The following HMCN1 variants were observed in gnomAD, a reference collection of about 807,000 sequenced individuals.
The protein encoded by HMCN1 is hemicentin-1.
HMCN1 carries 321 observed loss-of-function variants against 625.9 expected under a neutral mutation model. The observed-to-expected ratio is 0.51, with a 90% CI of 0.47 to 0.56. The LOEUF (loss-of-function observed/expected upper bound fraction) is 0.56, where lower values mean the gene tolerates loss of function less well. HMCN1 is among the 20% of genes least tolerant of loss of function. The pLI is 0.00. For synonymous variants in HMCN1, 2,425 were observed against 2,417.6 expected (o/e 1.00, Z -0.09); for missense variants, 6,588 against 6,887.3 (o/e 0.96, Z 1.54).
intron 19 of HMCN1, among the ~76,000 whole-genome samples, chr1:185,985,996 T>C (rs1022219272): frequency 3.3e-5 from 5 of 152,184 alleles, no homozygotes; most frequent in Admixed American, 6.5e-5. Flanking sequence ...TTTGCCACTT[T>C]TCTTTATTGC....
intron 41 of HMCN1, among the ~76,000 whole-genome samples, chr1:186,047,916 A>G (rs539478208): frequency 6.6e-6 from 1 of 152,108 alleles, no homozygotes; most frequent in Non-Finnish European, 1.5e-5. Context: ...AAGTGCTTCA[A>G]ATGATCACTC....
intron 1 of HMCN1, among the ~76,000 whole-genome samples, chr1:185,750,235 C>A (rs978310120): frequency 6.6e-6 from 1 of 151,900 alleles, no homozygotes; most frequent in Non-Finnish European, 1.5e-5. Flanking sequence ...AAAGTGAGTG[C>A]CTTCTTTTAT....
At chr1:185,936,922 G>A (rs1667839117) in intron 11 of HMCN1, among the ~76,000 whole-genome samples, 1 of 152,214 alleles carries the variant, frequency 6.6e-6, no homozygotes, top group South Asian at 2.1e-4. Context: ...ATGAAGTCAA[G>A]TCCATCCAAA....
chr1:186,080,858 G>T (rs1659129448), intron 55 of HMCN1, among the ~76,000 whole-genome samples: 1 of 152,094 alleles, frequency 6.6e-6, no homozygotes, highest in Non-Finnish European at 1.5e-5. Flanking sequence ...TATTTATACA[G>T]ATGCTTCTTA....
At chr1:186,087,702 A>G (rs961093115) in intron 60 of HMCN1, 57 bp downstream of exon 60, 16 of 1,525,886 alleles carry the variant, frequency 1.0e-5, no homozygotes, top group African/African-American at 1.4e-5. Flanking sequence ...GGTGGAAAAG[A>G]TGCTTGGAAG....
rs60299246 is a variant in HMCN1, at chr1:185,837,005, GGTGTGTGTGTGT to G, written c.269-9006_269-8995del. Among the ~76,000 whole-genome samples, 380 of 142,968 alleles carry G rather than the reference GGTGTGTGTGTGT, an allele frequency of 2.7e-3. 1 individual carries two copies. Among genetic ancestry groups the G allele is most frequent in the African/African-American group, 9.1e-3 (352 of 38,576 alleles). The allele number at this position is 142,968 out of a possible 152,430, so 93.8% of individuals were successfully genotyped here. A position where few individuals can be genotyped will look rare whatever the true frequency, so the allele number is the denominator to read the frequency against. Reference sequence around the variant, plus strand: ...TGGTATTCTATGGTGTATATTCCATGGTGTGTGTGTGTGTGTGTGTGTGTGTATATATAAAAT... The same window carrying G: ...TGGTATTCTATGGTGTATATTCCATGGTGTGTGTGTGTGTATATATAAAAT... On this transcript the variant is annotated intron_variant, in intron 1 of 106. Coordinates refer to ENST00000271588, the MANE Select transcript of HMCN1 (RefSeq NM_031935.3).
In HMCN1 at chr1:185,994,988, A is replaced by G; in HGVS notation, c.3679A>G (p.Ser1227Gly). The G allele has an allele frequency of 1.2e-6, 2 of 1,613,898 alleles. No individual in the cohort carries two copies. The highest frequency in any genetic ancestry group is 1.7e-6 in the Non-Finnish European group (2 of 1,179,858). Reference sequence around the variant, plus strand: ...TGTTAGCAATCCAGACGGAACTTTAAGCATCGACCAAGCCACGCCCTCAGA... The same window carrying G: ...TGTTAGCAATCCAGACGGAACTTTAGGCATCGACCAAGCCACGCCCTCAGA... The part of the protein sequence containing the change: ...HHVSNPDGTL[S>G]IDQATPSDAG... Residue 1227 changes from serine to glycine, a missense_variant, in exon 24 of 107, where the codon AGC becomes GGC. Coordinates refer to ENST00000271588, the MANE Select transcript of HMCN1 (RefSeq NM_031935.3).
intron 78 of HMCN1, 62 bp from the exon 79 acceptor site, chr1:186,119,683 A>G: frequency 6.5e-7 from 1 of 1,530,290 alleles, no homozygotes; most frequent in Non-Finnish European, 9.1e-7. Flanking sequence ...GCTCATTACT[A>G]CAATAGACAT....
intron 61 of HMCN1, 48 bp downstream of exon 61, chr1:186,088,061 T>C (rs759805953): frequency 1.2e-6 from 2 of 1,611,368 alleles, no homozygotes; most frequent in South Asian, 2.2e-5. Context: ...GATATGCAAA[T>C]GAAAAAAGTG....
intron 4 of HMCN1, among the ~76,000 whole-genome samples, chr1:185,905,627 C>A (rs1283451814): frequency 6.6e-6 from 1 of 151,766 alleles, no homozygotes; most frequent in Non-Finnish European, 1.5e-5. Context: ...CACTTCTATT[C>A]CTAATGTCTT....
At chr1:185,748,560 T>A (rs1414460558) in intron 1 of HMCN1, among the ~76,000 whole-genome samples, 1 of 152,248 alleles carries the variant, frequency 6.6e-6, no homozygotes, top group East Asian at 1.9e-4. Flanking sequence ...TTAATCCTTC[T>A]ACATAATAAT....
At chr1:185,931,822 G>A (rs1406304773) in intron 10 of HMCN1, among the ~76,000 whole-genome samples, 1 of 152,182 alleles carries the variant, frequency 6.6e-6, no homozygotes, top group Non-Finnish European at 1.5e-5. Context: ...GGATCTGAGA[G>A]CTAGAAGGAG....
At chr1:186,036,929 A>C (rs929729616) in intron 36 of HMCN1, among the ~76,000 whole-genome samples, 1 of 152,140 alleles carries the variant, frequency 6.6e-6, no homozygotes, top group African/African-American at 2.4e-5. Flanking sequence ...TCACTATTTT[A>C]AGTGTCAAAA....
chr1:186,086,166 A>G, intron 57 of HMCN1, 80 bp from the exon 58 acceptor site: 1 of 1,266,996 alleles, frequency 7.9e-7, no homozygotes, highest in South Asian at 1.2e-5. Context: ...AGCAGAGTAC[A>G]GTGGTTGGAT....
intron 1 of HMCN1, among the ~76,000 whole-genome samples, chr1:185,835,423 G>T (rs534638661): frequency 1.3e-5 from 2 of 151,834 alleles, no homozygotes; most frequent in East Asian, 1.9e-4. Context: ...CAGTGCATTG[G>T]TGACTTGTAA....
intron 46 of HMCN1, among the ~76,000 whole-genome samples, chr1:186,059,080 C>T (rs868800979): frequency 3.3e-5 from 5 of 152,072 alleles, no homozygotes; most frequent in Middle Eastern, 3.4e-3. Flanking sequence ...ACAGCACTTG[C>T]TTCTATGGTA....
chr1:186,173,761 A>G (rs1652384792), intron 102 of HMCN1, among the ~76,000 whole-genome samples: 1 of 152,156 alleles, frequency 6.6e-6, no homozygotes, highest in Admixed American at 6.6e-5. Flanking sequence ...TATAAGCTTA[A>G]CTAGACATGA....
chr1:186,119,707 G>C, intron 78 of HMCN1, 38 bp from the exon 79 acceptor site: 2 of 1,604,712 alleles, frequency 1.2e-6, no homozygotes, highest in Non-Finnish European at 1.7e-6. Context: ...TTATTAACTA[G>C]TGCTATTACT....
At chr1:186,069,626 G>C (rs1371358076) in intron 50 of HMCN1, 37 bp from the exon 51 acceptor site, 2 of 1,372,274 alleles carry the variant, frequency 1.5e-6, no homozygotes, top group Admixed American at 3.5e-5. Context: ...CTGTCACTGT[G>C]ATTTTAGAGA....
Sources: allele counts gnomAD v4.1 joint callset (sites outside exome capture counted in the v4.1 genomes callset), GRCh38; gene constraint gnomAD v4.1.1; transcripts MANE v1.5; gene names NCBI Gene and HGNC (gene_info 2026-07-23, HGNC 2026-07-21).